Variants in SLC26A5 observed in about 807,000 individuals in gnomAD.
The protein encoded by SLC26A5 is prestin.
Under a neutral mutation model 81.0 loss-of-function variants are expected in SLC26A5, and 51 were observed. The ratio of observed to expected loss-of-function variants is 0.63; its 90% CI spans 0.50 to 0.80. The LOEUF (loss-of-function observed/expected upper bound fraction) is 0.80. SLC26A5 is among the 30% of genes least tolerant of loss of function. The pLI, the probability that SLC26A5 is intolerant of heterozygous loss-of-function variation, is 0.00. For synonymous variants in SLC26A5, 325 were observed against 332.8 expected (o/e 0.98, Z 0.25); for missense variants, 771 against 905.8 (o/e 0.85, Z 1.91).
chr7:103,362,164 G>C, intron 19 of SLC26A5: 1 of 1,583,840 alleles, frequency 6.3e-7, no homozygotes, highest in East Asian at 2.3e-5. Context: ...TGGCTTTGTA[G>C]TGAATAAATG....
In SLC26A5 at chr7:103,439,658, C is replaced by T. The variant is rs527995218; in HGVS notation, c.-54+3425G>A. Among the ~76,000 whole-genome samples, 17 of 152,246 alleles carry T rather than the reference C, an allele frequency of 1.1e-4. No homozygotes were observed. The South Asian group carries it at 3.3e-3, about 30-fold the overall frequency. On this transcript the variant is annotated intron_variant, in intron 2 of 19. Transcript: ENST00000306312. ...AAGTGATTCTGGCACCTCAGCCTACCGAGCAGCTGGGATTACAGGCATGCG... is the reference window on the plus strand; with the variant it reads ...AAGTGATTCTGGCACCTCAGCCTACTGAGCAGCTGGGATTACAGGCATGCG...
rs774077787 is a variant in SLC26A5, at chr7:103,392,936, G to T, written c.1102C>A (p.Gln368Lys). 1 of 1,614,000 alleles carries T rather than the reference G, an allele frequency of 6.2e-7. No individual in the cohort carries two copies. Among genetic ancestry groups the T allele is most frequent in the Non-Finnish European group, 8.5e-7 (1 of 1,179,902 alleles). The part of the protein sequence containing the change: ...AKTLANKHGY[Q>K]VDGNQELIAL... ...ATCTTTACCTGATTGCCGTCAACCTGGTAGCCATGTTTATTTGCTAAGGTC... is the reference window on the plus strand; with the variant it reads ...ATCTTTACCTGATTGCCGTCAACCTTGTAGCCATGTTTATTTGCTAAGGTC... Residue 368 changes from glutamine (Q) to lysine (K), a missense_variant, in exon 10 of 20, where the codon CAG becomes AAG. Gln to Lys is a moderately conservative substitution (Grantham distance 53, BLOSUM62 1). Transcript: ENST00000306312.
chr7:103,422,135 C>T (rs1351236999), intron 2 of SLC26A5, among the ~76,000 whole-genome samples: 1 of 152,192 alleles, frequency 6.6e-6, no homozygotes, highest in Middle Eastern at 3.2e-3. Context: ...AAGTTGATTA[C>T]ATTGTCATGT....
chr7:103,428,569 T>A (rs1045857662), intron 2 of SLC26A5, among the ~76,000 whole-genome samples: 1 of 150,800 alleles, frequency 6.6e-6, no homozygotes, highest in African/African-American at 2.4e-5. Context: ...TTTTTTTTTT[T>A]TTTTTTTTTT....
chr7:103,353,870 T>G, intron 19 of SLC26A5: 1 of 1,512,490 alleles, frequency 6.6e-7, no homozygotes, highest in South Asian at 1.2e-5. Context: ...TTTTTAAAAA[T>G]TTTAATTCTA....
At position 103,390,507 on chromosome 7, in the gene SLC26A5, C is replaced by A. The variant is rs1173661235; in HGVS notation, c.1234-1G>T. The A allele has an allele frequency of 6.2e-7, 1 of 1,613,848 alleles. No homozygotes were observed. Among genetic ancestry groups the A allele is most frequent in the South Asian group, 1.1e-5 (1 of 91,074 alleles). On this transcript the variant is annotated splice_acceptor_variant, in intron 11 of 19. Coordinates refer to ENST00000306312, the MANE Select transcript of SLC26A5 (RefSeq NM_198999.3). LOFTEE classifies it high-confidence loss of function. ...TTAATGAGGCCAAACAACCTGCAAG[C>A]TGAATGAGAGAAGACACATGGAAGG...
intron 2 of SLC26A5, among the ~76,000 whole-genome samples, chr7:103,422,280 C>G (rs536002910): frequency 2.2e-4 from 33 of 152,218 alleles, no homozygotes; most frequent in African/African-American, 7.5e-4. Flanking sequence ...ATGTTTTCTG[C>G]AGCCTTATAA....
At chr7:103,440,357 G>T (rs950207615) in intron 2 of SLC26A5, among the ~76,000 whole-genome samples, 11 of 152,086 alleles carry the variant, frequency 7.2e-5, no homozygotes, top group African/African-American at 2.2e-4. Flanking sequence ...TGGAAGTAAA[G>T]ATTTAAAAAG....
chr7:103,391,512 C>G (rs1017289528), intron 11 of SLC26A5, 110 bp downstream of exon 11: 1 of 838,584 alleles, frequency 1.2e-6, no homozygotes, highest in African/African-American at 1.7e-5. Context: ...CTCACTGGAG[C>G]ATGGATCTGC....
At chr7:103,411,997 T>C (rs1824523390) in intron 5 of SLC26A5, among the ~76,000 whole-genome samples, 1 of 151,938 alleles carries the variant, frequency 6.6e-6, no homozygotes, top group African/African-American at 2.4e-5. Context: ...TCACCATGTG[T>C]AAGAAAGCTC....
At position 103,374,450 on chromosome 7, in the gene SLC26A5, A is replaced by C. The variant is rs534530722; in HGVS notation, c.2184T>G (p.Pro728=). 3.3e-4 allele frequency: 532 copies of C among 1,613,092 alleles called. 11 individuals carry two copies. In the South Asian group the frequency reaches 5.6e-3, roughly 17 times the overall value. The change falls in exon 20 of 20, where the codon CCT becomes CCG. Residue 728 remains proline (P), a synonymous_variant. Coordinates refer to ENST00000306312, the MANE Select transcript of SLC26A5 (RefSeq NM_198999.3). ...CATTGGGCTCCAAGTCCTCCTGGGA[A>C]GGGGGAGCCGAGGCTTCCTGTTCAG... ...ALAEQEASAP[P]SQEDLEPNAT...
rs1821538037 is a variant in SLC26A5, at chr7:103,378,617, C to T, written c.1678-64G>A. ...CTCTCAGGGACCCACCCCAATGCCA[C>T]TCCCCTTCAAATCTCCCCATTTAAC... On this transcript the variant is annotated intron_variant, in intron 16 of 19. Transcript: ENST00000306312. 2.9e-6 allele frequency: 4 copies of T among 1,376,278 alleles called. No individual in the cohort carries two copies. In the Admixed American group the frequency reaches 6.7e-5, roughly 23 times the overall value. The allele number at this position is 1,376,278 out of a possible 1,614,324, so 85.3% of individuals were successfully genotyped here.
intron 4 of SLC26A5, among the ~76,000 whole-genome samples, chr7:103,414,258 T>G (rs1434423966): frequency 6.7e-6 from 1 of 149,696 alleles, no homozygotes; most frequent in East Asian, 2.0e-4. Context: ...TGTTCATGGC[T>G]CAATGCAGCC....
rs749931726 is a variant in SLC26A5 at position 103,374,463 on chromosome 7, G to T, written c.2171C>A (p.Ala724Asp). Reference sequence around the variant, plus strand: ...GTCCTCCTGGGAAGGGGGAGCCGAGGCTTCCTGTTCAGCAAGTGCCTCTCT... The same window carrying T: ...GTCCTCCTGGGAAGGGGGAGCCGAGTCTTCCTGTTCAGCAAGTGCCTCTCT... ...QLREALAEQEASAPPSQEDLE... is the reference protein window; with the variant it reads ...QLREALAEQEDSAPPSQEDLE... Residue 724 changes from alanine (A) to aspartate (D), a missense_variant, in exon 20 of 20, where the codon GCC (alanine) becomes GAC (aspartate). Ala to Asp is a moderately radical substitution (Grantham distance 126). Transcript: ENST00000306312. 1 of 1,613,224 alleles carries T rather than the reference G, an allele frequency of 6.2e-7. No individual in the cohort carries two copies. Among genetic ancestry groups the T allele is most frequent in the Non-Finnish European group, 8.5e-7 (1 of 1,180,022 alleles).
chr7:103,381,427 C>A (rs1310261439), intron 14 of SLC26A5, among the ~76,000 whole-genome samples: 1 of 150,404 alleles, frequency 6.6e-6, no homozygotes, highest in African/African-American at 2.5e-5. Flanking sequence ...ACACACACAC[C>A]ACACATACAC....
At chr7:103,383,092 A>G (rs1821924162) in intron 14 of SLC26A5, among the ~76,000 whole-genome samples, 1 of 152,226 alleles carries the variant, frequency 6.6e-6, no homozygotes, top group Admixed American at 6.5e-5. Flanking sequence ...ACTTCTGCCA[A>G]CAAGATGCTC....
At chr7:103,353,001 G>C (rs1563483559) in intron 19 of SLC26A5, 5 of 778,400 alleles carry the variant, frequency 6.4e-6, no homozygotes, top group South Asian at 4.0e-5. Flanking sequence ...ATTTGCAAAT[G>C]ACCATGAAAG....
chr7:103,376,930 AAT>A, intron 18 of SLC26A5, 68 bp from the exon 19 acceptor site: 4 of 1,114,548 alleles, frequency 3.6e-6, no homozygotes, highest in Non-Finnish European at 5.5e-6. Context: ...TCTTTTTACC[AAT>A]GTTTTTCGTG....
chr7:103,387,176 CG>C (rs999136880), intron 14 of SLC26A5, among the ~76,000 whole-genome samples: 6 of 152,178 alleles, frequency 3.9e-5, no homozygotes, highest in South Asian at 2.1e-4. Flanking sequence ...TAGATAAATA[CG>C]GGCAACAGTG....
Sources: allele counts gnomAD v4.1 joint callset (sites outside exome capture counted in the v4.1 genomes callset), GRCh38; gene constraint gnomAD v4.1.1; transcripts MANE v1.5; gene names NCBI Gene and HGNC (gene_info 2026-07-23, HGNC 2026-07-21).